The following EPHA7 variants were observed in gnomAD, a reference collection of about 807,000 sequenced individuals.
EPHA7 encodes ephrin type-A receptor 7.
In EPHA7, 25 loss-of-function variants were observed where a neutral mutation model predicts 112.6. The observed-to-expected ratio is 0.22, with a 90% CI of 0.16 to 0.31. The LOEUF (loss-of-function observed/expected upper bound fraction) is 0.31. Ranked by LOEUF, EPHA7 falls within the 10% of genes least tolerant of loss-of-function variation. EPHA7 has a pLI of 1.00. For synonymous variants in EPHA7, 437 were observed against 406.5 expected (o/e 1.07, Z -0.90); for missense variants, 962 against 1,212.6 (o/e 0.79, Z 3.07).
At chr6:93,399,265 A>G (rs1010844289) in intron 3 of EPHA7, among the ~76,000 whole-genome samples, 1 of 152,124 alleles carries the variant, frequency 6.6e-6, no homozygotes, top group African/African-American at 2.4e-5. Flanking sequence ...AAAATACCAC[A>G]GAAACTTAGA....
intron 5 of EPHA7, among the ~76,000 whole-genome samples, chr6:93,343,840 T>C (rs542904685): frequency 6.6e-6 from 1 of 151,836 alleles, no homozygotes; most frequent in East Asian, 1.9e-4. Context: ...CACCAGTGTT[T>C]AATGCAGCAA....
chr6:93,274,592 T>C (rs1251745184), intron 5 of EPHA7, among the ~76,000 whole-genome samples: 1 of 151,934 alleles, frequency 6.6e-6, no homozygotes, highest in Non-Finnish European at 1.5e-5. Flanking sequence ...TCCATATCTG[T>C]AAGTGAATAT....
At chr6:93,302,106 C>T (rs1040405097) in intron 5 of EPHA7, among the ~76,000 whole-genome samples, 1 of 152,154 alleles carries the variant, frequency 6.6e-6, no homozygotes, top group African/African-American at 2.4e-5. Flanking sequence ...CTCTTCTCTT[C>T]TATAACCTTG....
At position 93,271,557 on chromosome 6, in the gene EPHA7, C is replaced by T. The variant is rs184741880; in HGVS notation, c.1449+741G>A. On this transcript the variant is annotated intron_variant, in intron 6 of 16. Coordinates refer to ENST00000369303, the MANE Select transcript of EPHA7 (RefSeq NM_004440.4). Reference sequence around the variant, plus strand: ...GTCTGTGAGGTGGGGTTTTAAATCACGATCTGTGAACATGGCTCACATAAA... The same window carrying T: ...GTCTGTGAGGTGGGGTTTTAAATCATGATCTGTGAACATGGCTCACATAAA... 7.2e-5 allele frequency among the ~76,000 whole-genome samples: 11 copies of T among 151,920 alleles called. No individual in the cohort carries two copies. In the East Asian group the frequency reaches 9.7e-4, roughly 13 times the overall value.
chr6:93,416,788 G>C (rs1779251819), intron 1 of EPHA7, among the ~76,000 whole-genome samples: 1 of 152,016 alleles, frequency 6.6e-6, no homozygotes, highest in African/African-American at 2.4e-5. Context: ...GCCAACAGGT[G>C]ATGGGAGAGG....
At chr6:93,405,323 T>G (rs1025990578) in intron 3 of EPHA7, among the ~76,000 whole-genome samples, 9 of 151,858 alleles carry the variant, frequency 5.9e-5, no homozygotes, top group African/African-American at 1.9e-4. Context: ...ATTTAGGTTA[T>G]TATCAATAAT....
intron 5 of EPHA7, among the ~76,000 whole-genome samples, chr6:93,336,670 G>A (rs1271354902): frequency 1.3e-5 from 2 of 151,930 alleles, no homozygotes; most frequent in Non-Finnish European, 2.9e-5. Context: ...CAAAGTGCTG[G>A]GATTACAGTC....
intron 5 of EPHA7, among the ~76,000 whole-genome samples, chr6:93,305,047 C>A (rs1369509549): frequency 6.6e-6 from 1 of 152,000 alleles, no homozygotes; most frequent in African/African-American, 2.4e-5. Context: ...TTGTTGTCTG[C>A]CCCACCTCAC....
At chr6:93,265,689 A>G (rs1019176877) in intron 7 of EPHA7, among the ~76,000 whole-genome samples, 1 of 151,740 alleles carries the variant, frequency 6.6e-6, no homozygotes, top group African/African-American at 2.4e-5. Context: ...TGCAAATATC[A>G]TAAAATACAT....
chr6:93,329,488 T>C (rs1208854958), intron 5 of EPHA7, among the ~76,000 whole-genome samples: 1 of 151,352 alleles, frequency 6.6e-6, no homozygotes, highest in Non-Finnish European at 1.5e-5. Context: ...AGAATTTTAC[T>C]TCACACCTAA....
intron 5 of EPHA7, among the ~76,000 whole-genome samples, chr6:93,328,295 G>C (rs910209680): frequency 3.3e-5 from 5 of 151,268 alleles, no homozygotes; most frequent in Non-Finnish European, 7.4e-5. Flanking sequence ...TACACATTTA[G>C]TATATTTCTG....
chr6:93,309,636 T>C (rs970689961), intron 5 of EPHA7, among the ~76,000 whole-genome samples: 6 of 152,124 alleles, frequency 3.9e-5, no homozygotes, highest in East Asian at 1.9e-4. Context: ...ACTGTGATCC[T>C]ATATAATTCA....
At position 93,418,993 on chromosome 6, in the gene EPHA7, T is replaced by G. The variant is rs1779390495; in HGVS notation, c.97+252A>C. Among the ~76,000 whole-genome samples the G allele has an allele frequency of 2.0e-5, 3 of 152,244 alleles. No individual in the cohort carries two copies. In the South Asian group the frequency reaches 6.2e-4, roughly 32 times the overall value. On this transcript the variant is annotated intron_variant, in intron 1 of 16. Transcript: ENST00000369303. The stretch of plus-strand genomic sequence containing the variant: ...CCGTTGCTGCTCACGCCCTCCAGAC[T>G]GCCCGCGCCAGAAATCCCGCACCCG...
intron 5 of EPHA7, among the ~76,000 whole-genome samples, chr6:93,335,518 T>C (rs1296557679): frequency 4.6e-5 from 7 of 152,044 alleles, no homozygotes; most frequent in African/African-American, 1.7e-4. Context: ...GTGAAATAAT[T>C]ATATTTTTAA....
chr6:93,266,987 T>C (rs1055013558), intron 7 of EPHA7, among the ~76,000 whole-genome samples: 1 of 151,754 alleles, frequency 6.6e-6, no homozygotes, highest in African/African-American at 2.4e-5. Context: ...TCATATAATA[T>C]GAAGATGTTA....
chr6:93,279,691 G>A (rs1771639120), intron 5 of EPHA7, among the ~76,000 whole-genome samples: 1 of 152,186 alleles, frequency 6.6e-6, no homozygotes, highest in Non-Finnish European at 1.5e-5. Flanking sequence ...ACAGCTGCAA[G>A]TTGTTGGTGT....
intron 3 of EPHA7, among the ~76,000 whole-genome samples, chr6:93,388,424 A>G (rs747900051): frequency 6.6e-6 from 1 of 152,176 alleles, no homozygotes; most frequent in Non-Finnish European, 1.5e-5. Context: ...AAGGACATAT[A>G]ATCGGTGCTT....
chr6:93,275,615 T>C (rs1369096114), intron 5 of EPHA7, among the ~76,000 whole-genome samples: 1 of 151,908 alleles, frequency 6.6e-6, no homozygotes, highest in East Asian at 1.9e-4. Flanking sequence ...AAGAAGACCT[T>C]AGGAAATTCA....
At position 93,255,959 on chromosome 6, in the gene EPHA7, C is replaced by T; in HGVS notation, c.2251G>A (p.Asp751Asn). The change falls in exon 13 of 17, where the codon GAT (aspartate) becomes AAT (asparagine). Residue 751 changes from aspartate (D) to asparagine (N), a missense_variant. This residue lies in a region of EPHA7 where 746 missense variants were observed against 889.2 expected (regional missense o/e 0.84). Transcript: ENST00000369303. ...AGGTCCCTGTGAACATATCCCATATCAGCCAAATATCTCATTCCAGCAGCA... is the reference window on the plus strand; with the variant it reads ...AGGTCCCTGTGAACATATCCCATATTAGCCAAATATCTCATTCCAGCAGCA... Reference protein sequence around the residue: ...GIAAGMRYLADMGYVHRDLAA... With the variant: ...GIAAGMRYLANMGYVHRDLAA... 1.9e-6 allele frequency: 3 copies of T among 1,614,044 alleles called. No homozygotes were observed. Among genetic ancestry groups the T allele is most frequent in the Non-Finnish European group, 2.5e-6 (3 of 1,179,974 alleles).
Sources: allele counts gnomAD v4.1 joint callset (sites outside exome capture counted in the v4.1 genomes callset), GRCh38; gene constraint gnomAD v4.1.1; regional missense constraint gnomAD v4.1.1; transcripts MANE v1.5; gene names NCBI Gene and HGNC (gene_info 2026-07-23, HGNC 2026-07-21).